Variants in RASGEF1C observed in about 807,000 individuals in gnomAD.
RASGEF1C encodes RasGEF domain family member 1C, also known as ras-GEF domain-containing family member 1C.
A neutral mutation model predicts 58.1 loss-of-function variants in RASGEF1C; 27 were observed. That is an observed-to-expected ratio of 0.46 (90% CI 0.34 to 0.64). RASGEF1C has a LOEUF of 0.64. RASGEF1C is among the 30% of genes least tolerant of loss of function. The pLI, the probability that RASGEF1C is intolerant of heterozygous loss-of-function variation, is 0.01. For synonymous variants in RASGEF1C, 243 were observed against 246.3 expected, an observed-to-expected ratio of 0.99 and a Z score of 0.13; for missense variants, 502 against 605.1, an observed-to-expected ratio of 0.83 and a Z score of 1.79.
chr5:180,163,933 TA>T (rs1324570097), intron 1 of RASGEF1C, among the ~76,000 whole-genome samples: 2 of 152,232 alleles, frequency 1.3e-5, no homozygotes, highest in Non-Finnish European at 2.9e-5. Flanking sequence ...CTATTTAGGT[TA>T]TCTATTTCAC....
At chr5:180,141,193 C>T (rs1766574110) in intron 1 of RASGEF1C, among the ~76,000 whole-genome samples, 1 of 152,216 alleles carries the variant, frequency 6.6e-6, no homozygotes, top group Admixed American at 6.5e-5. Context: ...ACTAACAATG[C>T]GTTTTGAGGA....
In RASGEF1C at chr5:180,176,836, G is replaced by A. The variant is rs78863169; in HGVS notation, c.-7+32192C>T. On this transcript the variant is annotated intron_variant, in intron 1 of 13. Coordinates refer to ENST00000361132, the MANE Select transcript of RASGEF1C (RefSeq NM_175062.4). ...CTCCCAAAGTGCTGGGATTACAGGC[G>A]TGAGCCACCGCGCCTGGTCCCGGGG... Among the ~76,000 whole-genome samples the A allele has an allele frequency of 2.2e-3, 337 of 152,298 alleles. 1 individual carries two copies. Among genetic ancestry groups the A allele is most frequent in the East Asian group, 0.022 (112 of 5,168 alleles).
At chr5:180,115,789 G>A (rs867754650) in intron 10 of RASGEF1C, among the ~76,000 whole-genome samples, 45 of 152,238 alleles carry the variant, frequency 3.0e-4, no homozygotes, top group Middle Eastern at 3.4e-3. Flanking sequence ...AGTGAGCAGC[G>A]GAAGCAGGGC....
In RASGEF1C at chr5:180,119,326, G is replaced by C; in HGVS notation, c.907+20C>G. ...GGGGACCCGTGCACTGGGGGCCACAGGCCAGGCCGGCCCACTCACAGATGA... is the reference window on the plus strand; with the variant it reads ...GGGGACCCGTGCACTGGGGGCCACACGCCAGGCCGGCCCACTCACAGATGA... On this transcript the variant is annotated intron_variant, in intron 8 of 13. Coordinates refer to ENST00000361132, the MANE Select transcript of RASGEF1C (RefSeq NM_175062.4). 1.9e-6 allele frequency: 3 copies of C among 1,601,868 alleles called. No homozygotes were observed. The African/African-American group carries it at 4.0e-5, about 21-fold the overall frequency.
intron 1 of RASGEF1C, among the ~76,000 whole-genome samples, chr5:180,175,947 C>T (rs1767218192): frequency 6.6e-6 from 1 of 152,220 alleles, no homozygotes; most frequent in Admixed American, 6.5e-5. Flanking sequence ...GAGATCACGC[C>T]ACTGCACTCC....
chr5:180,167,850 G>A (rs1767044226), intron 1 of RASGEF1C, among the ~76,000 whole-genome samples: 1 of 152,250 alleles, frequency 6.6e-6, no homozygotes, highest in African/African-American at 2.4e-5. Context: ...ATCCTATGGA[G>A]AATATTTATA....
At chr5:180,173,659 A>T (rs1046277656) in intron 1 of RASGEF1C, among the ~76,000 whole-genome samples, 4 of 152,098 alleles carry the variant, frequency 2.6e-5, no homozygotes, top group Admixed American at 6.5e-5. Flanking sequence ...TCCCGCCTGT[A>T]GTCCCAGCAC....
intron 11 of RASGEF1C, among the ~76,000 whole-genome samples, chr5:180,113,553 CGGGATGGACGGAGGGACCG>C (rs1766007661): frequency 2.5e-4 from 5 of 19,688 alleles, no homozygotes; most frequent in East Asian, 1.6e-3. Context: ...CGGAGGGATC[CGGGATGGACGGAGGGACCG>C]GGGATGGACG....
chr5:180,126,523 T>C (rs540777574), intron 6 of RASGEF1C, among the ~76,000 whole-genome samples: 1 of 152,310 alleles, frequency 6.6e-6, no homozygotes, highest in East Asian at 1.9e-4. Flanking sequence ...CATACATGGT[T>C]TTGTGTTACC....
chr5:180,146,647 T>G (rs1766665470), intron 1 of RASGEF1C, among the ~76,000 whole-genome samples: 1 of 152,220 alleles, frequency 6.6e-6, no homozygotes, highest in Admixed American at 6.5e-5. Context: ...TGAACCATCT[T>G]TGCATTCCAG....
intron 1 of RASGEF1C, among the ~76,000 whole-genome samples, chr5:180,154,799 T>C (rs913413349): frequency 6.6e-6 from 1 of 152,082 alleles, no homozygotes; most frequent in African/African-American, 2.4e-5. Flanking sequence ...GCCAGGATGG[T>C]CTCGATCTCC....
intron 10 of RASGEF1C, 29 bp from the exon 11 acceptor site, chr5:180,114,570 C>T (rs774065704): frequency 2.5e-6 from 4 of 1,593,630 alleles, no homozygotes; most frequent in Admixed American, 1.7e-5. Flanking sequence ...AGGTCGGCCC[C>T]AGCCGGCCCT....
At chr5:180,106,487 T>C (rs1765875994) in intron 12 of RASGEF1C, among the ~76,000 whole-genome samples, 1 of 152,228 alleles carries the variant, frequency 6.6e-6, no homozygotes, top group South Asian at 2.1e-4. Flanking sequence ...TTTCAGTCAG[T>C]TCAATTATTT....
At chr5:180,187,676 AAGC>A (rs1370336006) in intron 1 of RASGEF1C, among the ~76,000 whole-genome samples, 7 of 152,228 alleles carry the variant, frequency 4.6e-5, no homozygotes, top group African/African-American at 1.7e-4. Context: ...ATTTTTTAAG[AAGC>A]AGGCAAAATA....
At chr5:180,153,886 T>C (rs1766807701) in intron 1 of RASGEF1C, among the ~76,000 whole-genome samples, 1 of 152,220 alleles carries the variant, frequency 6.6e-6, no homozygotes. Flanking sequence ...GAAACAGAGC[T>C]GAAAGCCCCT....
chr5:180,125,572 C>T (rs4248878), intron 6 of RASGEF1C, among the ~76,000 whole-genome samples: 39,330 of 151,976 alleles, frequency 0.26, 6,329 homozygotes, highest in East Asian at 0.47. Context: ...CACCTGAGGT[C>T]GGGAGTTCGA....
intron 1 of RASGEF1C, among the ~76,000 whole-genome samples, chr5:180,166,675 C>T (rs186177343): frequency 1.3e-5 from 2 of 152,044 alleles, no homozygotes; most frequent in African/African-American, 2.4e-5. Context: ...ACCACCATGC[C>T]CAGCTAATTT....
chr5:180,184,880 CAG>C (rs1301290617), intron 1 of RASGEF1C, among the ~76,000 whole-genome samples: 3 of 152,178 alleles, frequency 2.0e-5, no homozygotes, highest in African/African-American at 7.2e-5. Context: ...CACCTAATAA[CAG>C]AGCTTCAGAA....
At position 180,137,906 on chromosome 5, in the gene RASGEF1C, G is replaced by A. The variant is rs769071148; in HGVS notation, c.147C>T (p.His49=). Reference sequence around the variant, plus strand: ...GGTAGTAGTCGGCTGTGGGCACCAGGTGCTGGATCAGTGTTTCCAGGGAGG... The same window carrying A: ...GGTAGTAGTCGGCTGTGGGCACCAGATGCTGGATCAGTGTTTCCAGGGAGG... ...SSASLETLIQ[H]LVPTADYYPE... is the part of the protein sequence containing the mutation. Residue 49 remains histidine (H), a synonymous_variant, in exon 2 of 14, where the codon CAC becomes CAT. Transcript: ENST00000361132. The surrounding 1 kb of genome is among the most constrained non-coding windows in gnomAD (Gnocchi z 4.1). 4 of 1,613,234 alleles carry A rather than the reference G, an allele frequency of 2.5e-6. No homozygotes were observed. In the Admixed American group the frequency reaches 6.7e-5, roughly 27 times the overall value.
Sources: gnomAD v4.1 joint callset for allele counts (sites outside exome capture counted in the v4.1 genomes callset) on GRCh38, gnomAD v4.1.1 for gene constraint, Gnocchi (gnomAD v3.1) non-coding constraint, MANE v1.5 for transcripts, NCBI Gene and HGNC (gene_info 2026-07-23, HGNC 2026-07-21) for gene names.